PALLD: variants seen among roughly 807,000 people sequenced by gnomAD.
PALLD encodes the protein palladin, cytoskeletal associated protein.
PALLD carries 61 observed loss-of-function variants against 123.5 expected under a neutral mutation model. That is an observed-to-expected ratio of 0.49 (90% CI 0.40 to 0.61). PALLD has a LOEUF of 0.61. PALLD is among the 20% of genes least tolerant of loss of function. The pLI, the probability that PALLD is intolerant of heterozygous loss-of-function variation, is 0.00. For synonymous variants in PALLD, 465 were observed against 496.4 expected (o/e 0.94, Z 0.84); for missense variants, 1,273 against 1,377.0 (o/e 0.92, Z 1.20).
At chr4:168,644,181 C>T (rs1002969330) in intron 2 of PALLD, among the ~76,000 whole-genome samples, 3 of 151,590 alleles carry the variant, frequency 2.0e-5, no homozygotes, top group South Asian at 2.1e-4. Flanking sequence ...CTCCACCTCC[C>T]GGGTTCAAGT....
intron 10 of PALLD, among the ~76,000 whole-genome samples, chr4:168,836,850 C>A (rs1745272603): frequency 6.6e-6 from 1 of 152,064 alleles, no homozygotes; most frequent in Non-Finnish European, 1.5e-5. Flanking sequence ...TAGTGGTTTC[C>A]CAGGCCAGCC....
At chr4:168,902,422 C>T (rs919600862) in intron 14 of PALLD, among the ~76,000 whole-genome samples, 4 of 152,164 alleles carry the variant, frequency 2.6e-5, no homozygotes, top group Non-Finnish European at 5.9e-5. Flanking sequence ...GCTGTTGGCA[C>T]TGTGATTCAT....
intron 10 of PALLD, 171 bp downstream of exon 10, chr4:168,712,094 A>G: frequency 1.5e-6 from 1 of 646,958 alleles, no homozygotes; most frequent in Non-Finnish European, 2.7e-6. Context: ...CTAAAAATAA[A>G]GAAGGGAAAT....
rs112135041 is a variant in PALLD at position 168,528,975 on chromosome 4, C to A, written c.908+16563C>A. Among the ~76,000 whole-genome samples the A allele has an allele frequency of 2.3e-3, 352 of 151,958 alleles. 1 individual carries two copies. The highest frequency in any genetic ancestry group is 7.5e-3 in the African/African-American group (312 of 41,412). On this transcript the variant is annotated intron_variant, in intron 2 of 21. Transcript: ENST00000505667. ...GTTACAGTTTGAATTAGGAGTCACG[C>A]CAAAAGGAAGGTAGAAAGGAATCCA...
At chr4:168,614,471 G>A (rs948215290) in intron 2 of PALLD, among the ~76,000 whole-genome samples, 2 of 152,076 alleles carry the variant, frequency 1.3e-5, no homozygotes, top group Non-Finnish European at 2.9e-5. Flanking sequence ...TATCATACAT[G>A]TTTGAAATAG....
rs189705230 is a variant in PALLD, at chr4:168,783,983, G to A, written c.1964+72060G>A. On this transcript the variant is annotated intron_variant, in intron 10 of 21. Coordinates refer to ENST00000505667, the MANE Select transcript of PALLD (RefSeq NM_001166108.2). ...CCTGAGGCCAGGCACTGTGGTTCAC[G>A]TCTATAATCCTAGCACTCTGAGAGG... 1.8e-4 allele frequency among the ~76,000 whole-genome samples: 28 copies of A among 152,192 alleles called. No homozygotes were observed. The East Asian group carries it at 4.3e-3, about 23-fold the overall frequency.
chr4:168,821,815 G>A (rs1742754332), intron 10 of PALLD, among the ~76,000 whole-genome samples: 1 of 151,236 alleles, frequency 6.6e-6, no homozygotes, highest in African/African-American at 2.4e-5. Context: ...GAGAGGTGGA[G>A]GTTGCAGTGA....
intron 2 of PALLD, among the ~76,000 whole-genome samples, chr4:168,626,062 G>T (rs1007635038): frequency 6.6e-6 from 1 of 151,684 alleles, no homozygotes; most frequent in African/African-American, 2.4e-5. Context: ...AGGAGATCGA[G>T]ACCATCCTGG....
intron 2 of PALLD, among the ~76,000 whole-genome samples, chr4:168,540,510 G>A (rs896239349): frequency 2.6e-5 from 4 of 151,966 alleles, no homozygotes; most frequent in Admixed American, 1.3e-4. Context: ...GGGCCATGTC[G>A]AATGGTGATA....
intron 10 of PALLD, among the ~76,000 whole-genome samples, chr4:168,887,336 AG>A (rs1321387610): frequency 6.6e-6 from 1 of 152,184 alleles, no homozygotes; most frequent in Non-Finnish European, 1.5e-5. Context: ...CTTATTCTAC[AG>A]TGAATAGACA....
At chr4:168,704,946 G>A (rs1784088124) in intron 8 of PALLD, among the ~76,000 whole-genome samples, 2 of 152,004 alleles carry the variant, frequency 1.3e-5, no homozygotes, top group Non-Finnish European at 1.5e-5. Context: ...TAATGAACTA[G>A]AATTTTAATT....
At chr4:168,762,440 T>G (rs1184515124) in intron 10 of PALLD, among the ~76,000 whole-genome samples, 1 of 152,168 alleles carries the variant, frequency 6.6e-6, no homozygotes, top group Non-Finnish European at 1.5e-5. Flanking sequence ...GCCTGTGCAC[T>G]TCAGCCTGGG....
intron 10 of PALLD, among the ~76,000 whole-genome samples, chr4:168,715,105 A>G (rs1421668915): frequency 6.6e-6 from 1 of 151,884 alleles, no homozygotes; most frequent in East Asian, 1.9e-4. Context: ...CCAGTCTATG[A>G]TACCTCTCAT....
At chr4:168,550,121 C>T (rs1274406790) in intron 2 of PALLD, among the ~76,000 whole-genome samples, 2 of 152,134 alleles carry the variant, frequency 1.3e-5, no homozygotes, top group Admixed American at 1.3e-4. Flanking sequence ...AGTGCCATTT[C>T]CCCTGTATCA....
In PALLD at chr4:168,878,682, T is replaced by TGGG. The variant is rs10686951; in HGVS notation, c.1965-12231_1965-12229dup. On this transcript the variant is annotated intron_variant, in intron 10 of 21. Transcript: ENST00000505667. ...ATGCAGTGCCCTCTCTTAATCATTA[T>TGGG]GGGGGGGGGGGTGCTTAGCTATCAT... Among the ~76,000 whole-genome samples the TGGG allele has an allele frequency of 4.8e-3, 399 of 83,720 alleles. 4 individuals carry two copies. The highest frequency in any genetic ancestry group is 0.048 in the East Asian group (100 of 2,100). 54.9% of individuals were successfully genotyped at this position (83,720 alleles called of 152,430 possible).
In PALLD at chr4:168,753,313, T is replaced by A. The variant is rs542606725; in HGVS notation, c.1964+41390T>A. ...GCCCCAAGTTTAGATACCTCAACATTTCTGTCACTAACCTTCTTCCCTCCC... is the reference window on the plus strand; with the variant it reads ...GCCCCAAGTTTAGATACCTCAACATATCTGTCACTAACCTTCTTCCCTCCC... On this transcript the variant is annotated intron_variant, in intron 10 of 21. Transcript: ENST00000505667. 1.5e-4 allele frequency among the ~76,000 whole-genome samples: 23 copies of A among 152,168 alleles called. 1 individual carries two copies. In the South Asian group the frequency reaches 4.6e-3, roughly 30 times the overall value.
chr4:168,646,848 C>T (rs980793869), intron 2 of PALLD, among the ~76,000 whole-genome samples: 1 of 152,168 alleles, frequency 6.6e-6, no homozygotes, highest in African/African-American at 2.4e-5. Context: ...ATGACATGTA[C>T]CTTTATTTAT....
intron 10 of PALLD, among the ~76,000 whole-genome samples, chr4:168,746,404 AAAAAAAG>A: frequency 1.4e-5 from 2 of 148,102 alleles, no homozygotes; most frequent in Admixed American, 6.8e-5. Context: ...AAAAAAAAAA[AAAAAAAG>A]AGGAGGGACT....
chr4:168,758,078 A>G (rs1732147304), intron 10 of PALLD, among the ~76,000 whole-genome samples: 1 of 152,082 alleles, frequency 6.6e-6, no homozygotes, highest in African/African-American at 2.4e-5. Context: ...CTCAAAAAAT[A>G]ATAATAACAT....
Sources: allele counts gnomAD v4.1 joint callset (sites outside exome capture counted in the v4.1 genomes callset), GRCh38; gene constraint gnomAD v4.1.1; transcripts MANE v1.5; gene names NCBI Gene and HGNC (gene_info 2026-07-23, HGNC 2026-07-21).